The following ART3 variants were observed in gnomAD, a reference collection of about 807,000 sequenced individuals.
The protein encoded by ART3 is ecto-ADP-ribosyltransferase 3.
In ART3, 49 loss-of-function variants were observed where a neutral mutation model predicts 48.5. That is an observed-to-expected ratio of 1.01 (90% confidence interval 0.80 to 1.28). The LOEUF is 1.28. ART3 is among the 50% of genes most tolerant of loss of function. ART3 has a pLI of 0.00. For missense variants in ART3, 438 were observed against 454.3 expected, an observed-to-expected ratio of 0.96 and a Z score of 0.33; for synonymous variants, 145 against 157.2, an observed-to-expected ratio of 0.92 and a Z score of 0.58.
chr4:76,075,626 C>T (rs1308964390), intron 1 of ART3, among the ~76,000 whole-genome samples: 1 of 152,108 alleles, frequency 6.6e-6, no homozygotes, highest in East Asian at 1.9e-4. Flanking sequence ...TATGGAAATG[C>T]ACAGATTTAA....
intron 4 of ART3, 60 bp downstream of exon 4, chr4:76,097,736 C>G: frequency 7.2e-7 from 1 of 1,397,662 alleles, no homozygotes; most frequent in Non-Finnish European, 1.0e-6. Flanking sequence ...CTTCTCATAG[C>G]TATGGGTCAG....
At chr4:76,062,498 C>A (rs80087675) in intron 1 of ART3, among the ~76,000 whole-genome samples, 3,818 of 151,444 alleles carry the variant, frequency 0.025, 149 homozygotes, top group African/African-American at 0.085. Context: ...AAATGATCCA[C>A]CATTTTGCAG....
rs1233004761 is a variant in ART3 at position 76,074,833 on chromosome 4, C to G, written c.-10+14C>G. 1 of 152,142 alleles carries G rather than the reference C, an allele frequency of 6.6e-6. No individual in the cohort carries two copies. Among genetic ancestry groups the G allele is most frequent in the Non-Finnish European group, 1.5e-5 (1 of 68,028 alleles). 9.4% of individuals were successfully genotyped at this position (152,142 alleles called of 1,614,324 possible). ...CACAAAAGCCAGGTAAACCTTTTGA[C>G]TTATTTACACTCAGACTAAAGAAAT... On this transcript the variant is annotated intron_variant, in intron 1 of 11. Coordinates refer to ENST00000355810, the MANE Select transcript of ART3 (RefSeq NM_001130016.3).
At chr4:76,022,581 T>A in intron 1 of ART3, 1 of 1,483,554 alleles carries the variant, frequency 6.7e-7, no homozygotes, top group South Asian at 1.2e-5. Context: ...TGTACATTAG[T>A]TTTAGAATCA....
intron 1 of ART3, among the ~76,000 whole-genome samples, chr4:76,069,303 C>G: frequency 7.2e-6 from 1 of 139,184 alleles, no homozygotes; most frequent in African/African-American, 3.2e-5. Flanking sequence ...ACGTCCAGCC[C>G]TAAAAAAATC....
At chr4:76,081,759 G>A in intron 2 of ART3, 65 bp from the exon 3 acceptor site, 4 of 1,504,520 alleles carry the variant, frequency 2.7e-6, no homozygotes, top group Non-Finnish European at 3.6e-6. Flanking sequence ...GGGTAATAAT[G>A]TGAGAGAAAA....
intron 1 of ART3, among the ~76,000 whole-genome samples, chr4:76,061,214 T>G (rs1420948603): frequency 6.6e-6 from 1 of 152,242 alleles, no homozygotes; most frequent in African/African-American, 2.4e-5. Flanking sequence ...CTCATTACAT[T>G]GAGATAAAAC....
chr4:76,096,841 T>C (rs185113700), intron 3 of ART3, among the ~76,000 whole-genome samples: 16 of 152,376 alleles, frequency 1.1e-4, no homozygotes, highest in Non-Finnish European at 2.2e-4. Context: ...CCAACCCGTT[T>C]TCTTTATATG....
At chr4:76,093,604 A>G (rs2149627639) in intron 3 of ART3, among the ~76,000 whole-genome samples, 1 of 152,328 alleles carries the variant, frequency 6.6e-6, no homozygotes, top group South Asian at 2.1e-4. Flanking sequence ...TAACAACATT[A>G]TTTGCATCTT....
chr4:76,050,852 C>T (rs1316886505), intron 1 of ART3, among the ~76,000 whole-genome samples: 1 of 152,218 alleles, frequency 6.6e-6, no homozygotes, highest in African/African-American at 2.4e-5. Flanking sequence ...TGCCAGTGGG[C>T]TGGCACTGCT....
intron 1 of ART3, among the ~76,000 whole-genome samples, chr4:76,013,183 A>G (rs912461544): frequency 2.0e-5 from 3 of 152,228 alleles, no homozygotes; most frequent in African/African-American, 4.8e-5. Context: ...AGGTCTGAAA[A>G]GGAGAATTGG....
intron 1 of ART3, among the ~76,000 whole-genome samples, chr4:76,042,033 C>A (rs578022337): frequency 1.3e-5 from 2 of 152,278 alleles, no homozygotes; most frequent in South Asian, 4.1e-4. Context: ...CAGGTTCACC[C>A]ACTTAAATAA....
At position 76,104,076 on chromosome 4, in the gene ART3, T is replaced by G. The variant is rs1727930466; in HGVS notation, c.970+107T>G. 6.0e-5 allele frequency: 74 copies of G among 1,237,850 alleles called. 2 individuals carry two copies. In the South Asian group the frequency reaches 9.0e-4, roughly 15 times the overall value. 76.7% of individuals were successfully genotyped at this position (1,237,850 alleles called of 1,614,324 possible). On this transcript the variant is annotated intron_variant, in intron 9 of 11. Transcript: ENST00000355810. ...AGACTATTATTCATGAATATTTCCC[T>G]TATAGCTACCTGCCAGTCATCTACA...
intron 1 of ART3, among the ~76,000 whole-genome samples, chr4:76,054,019 C>T (rs533377439): frequency 2.6e-4 from 39 of 152,222 alleles, no homozygotes; most frequent in African/African-American, 7.7e-4. Context: ...GGGATAGAAA[C>T]GTGAGAGATT....
At chr4:76,042,856 C>T (rs910292785) in intron 1 of ART3, among the ~76,000 whole-genome samples, 1 of 152,024 alleles carries the variant, frequency 6.6e-6, no homozygotes, top group African/African-American at 2.4e-5. Context: ...ACTGCTGGCT[C>T]GGGCAGCCTG....
intron 1 of ART3, chr4:76,022,798 A>T: frequency 6.2e-7 from 1 of 1,610,856 alleles, no homozygotes; most frequent in Non-Finnish European, 8.5e-7. Flanking sequence ...TACAGCGTAC[A>T]GTTCTAGAGA....
chr4:76,072,092 A>AT (rs1174878581), upstream of ART3, among the ~76,000 whole-genome samples: 1 of 152,004 alleles, frequency 6.6e-6, no homozygotes, highest in Non-Finnish European at 1.5e-5. Flanking sequence ...AATTTTTAAA[A>AT]TTTTTTTGTA....
intron 11 of ART3, 30 bp from the exon 12 acceptor site, chr4:76,112,356 G>C (rs371549460): frequency 4.4e-6 from 7 of 1,577,894 alleles, no homozygotes; most frequent in Non-Finnish European, 6.0e-6. Flanking sequence ...AAAAAATGAT[G>C]TGTCAGTGAC....
intron 1 of ART3, among the ~76,000 whole-genome samples, chr4:76,048,997 A>G (rs1368154592): frequency 6.6e-6 from 1 of 151,906 alleles, no homozygotes; most frequent in African/African-American, 2.4e-5. Flanking sequence ...CCTCACTTAT[A>G]TGAATAGGAA....
Sources: gnomAD v4.1 joint callset for allele counts (sites outside exome capture counted in the v4.1 genomes callset) on GRCh38, gnomAD v4.1.1 for gene constraint, MANE v1.5 for transcripts, NCBI Gene and HGNC (gene_info 2026-07-23, HGNC 2026-07-21) for gene names.